The following CHST15 variants were observed in gnomAD, a reference collection of about 807,000 sequenced individuals.
The protein encoded by CHST15 is carbohydrate sulfotransferase 15.
CHST15 carries 30 observed loss-of-function variants against 53.6 expected under a neutral mutation model. The observed-to-expected ratio is 0.56, with a 90% CI of 0.42 to 0.76. The LOEUF (loss-of-function observed/expected upper bound fraction) is 0.76. Among genes scored for constraint, CHST15 ranks in the 30% least tolerant of loss-of-function variants. The probability of loss-of-function intolerance (pLI) is 0.00; values close to 1 mark genes in which losing one functional copy is unlikely to be tolerated. For synonymous variants in CHST15, 296 were observed against 289.8 expected, an observed-to-expected ratio of 1.02 and a Z score of -0.22; for missense variants, 627 against 740.5, an observed-to-expected ratio of 0.85 and a Z score of 1.78.
rs141381115 is a variant in CHST15, at chr10:124,032,982, T to C, written c.1190+5533A>G. ...TGGTATTTCCCCTCTCCAAGCCAAT[T>C]TATAGAAGGAAAAGAACAACTTGGA... On this transcript the variant is annotated intron_variant, in intron 5 of 7. Transcript: ENST00000435907. 9.2e-5 allele frequency among the ~76,000 whole-genome samples: 14 copies of C among 152,132 alleles called. No individual in the cohort carries two copies. The East Asian group carries it at 2.7e-3, about 29-fold the overall frequency.
chr10:124,053,406 T>G (rs1182374614), intron 1 of CHST15, among the ~76,000 whole-genome samples: 1 of 151,990 alleles, frequency 6.6e-6, no homozygotes, highest in Non-Finnish European at 1.5e-5. Context: ...CAGGGCCACC[T>G]GGCTGAGCCC....
At chr10:124,050,428 G>C (rs1206245693) in intron 1 of CHST15, among the ~76,000 whole-genome samples, 1 of 152,228 alleles carries the variant, frequency 6.6e-6, no homozygotes, top group East Asian at 1.9e-4. Flanking sequence ...ATTGGAACAG[G>C]GTTTTGGAAT....
intron 1 of CHST15, among the ~76,000 whole-genome samples, chr10:124,090,920 G>A (rs957830566): frequency 6.6e-6 from 1 of 152,234 alleles, no homozygotes; most frequent in African/African-American, 2.4e-5. Context: ...GCCCAGAGGA[G>A]AGAGCCGCAA....
In CHST15 at chr10:124,010,234, T is replaced by G. The variant is rs1946373584; in HGVS notation, c.1601A>C (p.Lys534Thr). Residue 534 changes from lysine (K) to threonine (T), a missense_variant, in exon 8 of 8, where the codon AAG (lysine) becomes ACG (threonine). Physicochemically the swap from Lys to Thr is moderately conservative, Grantham distance 78. Coordinates refer to ENST00000435907, the MANE Select transcript of CHST15 (RefSeq NM_001270764.2). ...NLGPMWPITQ[K>T]ILRDFYRPFN... ...GGGCCTGTAGAAATCCCGCAGAATC[T>G]TCTGTGTGATGGGCCACATGGGCCC... 2 of 1,614,114 alleles carry G rather than the reference T, an allele frequency of 1.2e-6. No homozygotes were observed. Among genetic ancestry groups the G allele is most frequent in the East Asian group, 4.5e-5 (2 of 44,872 alleles).
intron 1 of CHST15, among the ~76,000 whole-genome samples, chr10:124,090,171 C>T (rs1949563142): frequency 6.6e-6 from 1 of 152,188 alleles, no homozygotes; most frequent in South Asian, 2.1e-4. Flanking sequence ...TTCAGACCTC[C>T]TGGAAGGGCA....
intron 1 of CHST15, among the ~76,000 whole-genome samples, chr10:124,079,216 G>A (rs1008644951): frequency 2.6e-5 from 4 of 152,214 alleles, no homozygotes; most frequent in Non-Finnish European, 5.9e-5. Context: ...AACATAAAAT[G>A]GAGATGTATA....
chr10:124,030,151 C>A (rs1205205321), intron 5 of CHST15, among the ~76,000 whole-genome samples: 1 of 152,216 alleles, frequency 6.6e-6, no homozygotes, highest in Non-Finnish European at 1.5e-5. Context: ...ACCAGGCAGT[C>A]CCTCCTGAAC....
At chr10:124,083,041 TA>T (rs1208683890) in intron 1 of CHST15, among the ~76,000 whole-genome samples, 7 of 152,206 alleles carry the variant, frequency 4.6e-5, no homozygotes, top group Non-Finnish European at 8.8e-5. Flanking sequence ...GTCAATATAC[TA>T]AAAAACATGG....
intron 1 of CHST15, among the ~76,000 whole-genome samples, chr10:124,072,808 C>G (rs1300696936): frequency 3.9e-5 from 6 of 152,158 alleles, no homozygotes; most frequent in Admixed American, 2.6e-4. Flanking sequence ...TGGGCAGAAC[C>G]CCAGGAGGGA....
At chr10:124,052,758 G>A (rs567704242) in intron 1 of CHST15, among the ~76,000 whole-genome samples, 112 of 152,306 alleles carry the variant, frequency 7.4e-4, no homozygotes, top group Middle Eastern at 3.4e-3. Context: ...TAGCCCGGCC[G>A]GGCGCGGTGG....
intron 1 of CHST15, among the ~76,000 whole-genome samples, chr10:124,048,006 T>C (rs372053535): frequency 6.6e-6 from 1 of 152,356 alleles, no homozygotes; most frequent in East Asian, 1.9e-4. Flanking sequence ...AAGATCGCCA[T>C]GTACTGGCTG....
intron 1 of CHST15, among the ~76,000 whole-genome samples, chr10:124,049,703 G>A (rs1446729971): frequency 6.6e-6 from 1 of 152,200 alleles, no homozygotes; most frequent in African/African-American, 2.4e-5. Flanking sequence ...TCATCTGCTG[G>A]CTGTTTCTGC....
At chr10:124,029,949 C>G (rs1267251321) in intron 5 of CHST15, among the ~76,000 whole-genome samples, 1 of 152,258 alleles carries the variant, frequency 6.6e-6, no homozygotes, top group African/African-American at 2.4e-5. Context: ...TCTGCAGATA[C>G]AGACACAACG....
intron 6 of CHST15, chr10:124,020,953 G>GGATC: frequency 7.2e-7 from 1 of 1,389,976 alleles, no homozygotes; most frequent in South Asian, 1.8e-5. Context: ...CATGTCTGCC[G>GGATC]ATTCTAATTG....
At chr10:124,062,544 G>C (rs1462486107) in intron 1 of CHST15, among the ~76,000 whole-genome samples, 1 of 152,114 alleles carries the variant, frequency 6.6e-6, no homozygotes, top group Non-Finnish European at 1.5e-5. Flanking sequence ...GTGGAGATTA[G>C]ACGGGAAAAT....
chr10:124,051,536 G>T (rs79569793), intron 1 of CHST15, among the ~76,000 whole-genome samples: 1 of 152,086 alleles, frequency 6.6e-6, no homozygotes, highest in Admixed American at 6.5e-5. Context: ...ATTTGGTGCC[G>T]GTCGACTCAG....
chr10:124,044,645 C>A lies in CHST15; in HGVS notation c.821G>T (p.Arg274Leu). 1 of 1,604,870 alleles carries A rather than the reference C, an allele frequency of 6.2e-7. No homozygotes were observed. The highest frequency in any genetic ancestry group is 8.5e-7 in the Non-Finnish European group (1 of 1,175,014). The change falls in exon 3 of 8, where the codon CGG becomes CTG. Residue 274 changes from arginine to leucine, a missense_variant. Physicochemically the swap from Arg to Leu is moderately radical, Grantham distance 102 (BLOSUM62 -2). This residue lies in a region of CHST15 where 161 missense variants were observed against 117.2 expected (regional missense o/e 1.37). Coordinates refer to ENST00000435907, the MANE Select transcript of CHST15 (RefSeq NM_001270764.2). ...GGAGAACTTGACCTCAGGGTGCAGCCGCAGGCGGTCATAGAGGTCTGTGGT... is the reference window on the plus strand; with the variant it reads ...GGAGAACTTGACCTCAGGGTGCAGCAGCAGGCGGTCATAGAGGTCTGTGGT... ...CGTTDLYDRLRLHPEVKFSAI... is the reference protein window; with the variant it reads ...CGTTDLYDRLLLHPEVKFSAI...
At chr10:124,047,529 G>A (rs1358664748) in intron 1 of CHST15, among the ~76,000 whole-genome samples, 2 of 152,252 alleles carry the variant, frequency 1.3e-5, no homozygotes, top group Middle Eastern at 3.4e-3. Context: ...CTTTGTAGAT[G>A]TCGTAGAAAG....
chr10:124,023,485 CAAAA>C (rs144190606), intron 5 of CHST15, among the ~76,000 whole-genome samples: 1 of 135,208 alleles, frequency 7.4e-6, no homozygotes, highest in Admixed American at 7.3e-5. Flanking sequence ...GAACCTCTCT[CAAAA>C]AAAAAAAAAA....
Sources: allele counts gnomAD v4.1 joint callset (sites outside exome capture counted in the v4.1 genomes callset), GRCh38; gene constraint gnomAD v4.1.1; regional missense constraint gnomAD v4.1.1; transcripts MANE v1.5; gene names NCBI Gene and HGNC (gene_info 2026-07-23, HGNC 2026-07-21).